ZGRF1: variants seen among roughly 807,000 people sequenced by gnomAD.
The protein encoded by ZGRF1 is zinc finger GRF-type containing 1.
A neutral mutation model predicts 203.5 loss-of-function variants in ZGRF1; 196 were observed. The ratio of observed to expected loss-of-function variants is 0.96; its 90% confidence interval spans 0.86 to 1.08. ZGRF1 has a LOEUF of 1.08. Ranked by LOEUF, ZGRF1 falls within the 50% of genes least tolerant of loss-of-function variation. The pLI is 0.00. For synonymous variants in ZGRF1, 809 were observed against 841.3 expected, an observed-to-expected ratio of 0.96 and a Z score of 0.66; for missense variants, 2,326 against 2,416.3, an observed-to-expected ratio of 0.96 and a Z score of 0.78.
At chr4:112,589,940 A>G (rs1437372142) in intron 10 of ZGRF1, 66 bp from the exon 11 acceptor site, 39 of 1,130,500 alleles carry the variant, frequency 3.4e-5, no homozygotes, top group Non-Finnish European at 4.8e-5. Flanking sequence ...AGTTTGAATG[A>G]ATTCTAGTAA....
chr4:112,539,838 T>C, intron 27 of ZGRF1, 25 bp downstream of exon 27: 2 of 1,610,274 alleles, frequency 1.2e-6, no homozygotes, highest in Non-Finnish European at 1.7e-6. Context: ...TTGAAATGCA[T>C]GAATTAAACC....
intron 8 of ZGRF1, chr4:112,607,810 G>C (rs1750994643): frequency 1.3e-5 from 2 of 152,288 alleles, no homozygotes. Context: ...CCATCGTACT[G>C]TGCACCTGTG....
In ZGRF1 at chr4:112,618,949, CT is replaced by C. The variant is rs750860823; in HGVS notation, c.1092del (p.Asp365ThrfsTer23). On this transcript the variant is annotated frameshift_variant, in exon 6 of 28. Transcript: ENST00000505019. LOFTEE classifies it high-confidence loss of function. ...TGTATAATTTTTTGTAATGAAAGGT[CT>C]TTCAAATTAGAATTTACATCATCTT... ...AQEDDVNSNLKDLSLQKIIQF... is the reference protein window; with the variant it reads ...AQEDDVNSNLXDLSLQKIIQF... 2.7e-5 allele frequency: 44 copies of C among 1,613,640 alleles called. No homozygotes were observed. In the African/African-American group the frequency reaches 5.9e-4, roughly 22 times the overall value.
At chr4:112,588,034 GA>G (rs1033755846) in intron 11 of ZGRF1, 105 bp from the exon 12 acceptor site, 518 of 542,660 alleles carry the variant, frequency 9.5e-4, no homozygotes, top group South Asian at 2.5e-3. Flanking sequence ...AACTTGCTCT[GA>G]AAAAAAAAAT....
chr4:112,548,318 A>C lies in ZGRF1; in HGVS notation c.5409T>G (p.Phe1803Leu). The C allele has an allele frequency of 6.4e-7, 1 of 1,553,740 alleles. No individual in the cohort carries two copies. The highest frequency in any genetic ancestry group is 1.4e-5 in the African/African-American group (1 of 73,214). The stretch of plus-strand genomic sequence containing the variant: ...TACACTCATCCAGCACAACTACAGG[A>C]AATTTAAGATCATTCATGCATGGGA... ...CPFPCMNDLKFPVVVLDECSQ... is the reference protein window; with the variant it reads ...CPFPCMNDLKLPVVVLDECSQ... Residue 1803 changes from phenylalanine (F) to leucine (L), a missense_variant, in exon 23 of 28, where the codon TTT becomes TTG. Physicochemically the swap from Phe to Leu is conservative, Grantham distance 22. Transcript: ENST00000505019.
At chr4:112,592,378 G>A (rs1748330798) in intron 10 of ZGRF1, among the ~76,000 whole-genome samples, 1 of 152,098 alleles carries the variant, frequency 6.6e-6, no homozygotes, top group Admixed American at 6.5e-5. Flanking sequence ...GATTACAGGT[G>A]TCAGCCACCA....
chr4:112,595,582 G>A (rs549499901), intron 10 of ZGRF1, among the ~76,000 whole-genome samples: 6 of 150,980 alleles, frequency 4.0e-5, no homozygotes, highest in Non-Finnish European at 7.4e-5. Flanking sequence ...GTGTATATAT[G>A]TGTGTGTGTG....
In ZGRF1 at chr4:112,540,950, T is replaced by C; in HGVS notation, c.5781A>G (p.Glu1927=). The change falls in exon 26 of 28, where the codon GAA becomes GAG. Residue 1927 remains glutamate, a synonymous_variant. Transcript: ENST00000505019. ...FYNVKGLEQI[E]RDNSFHNVAE... ...CCACATTATGAAAGCTGTTATCTCT[T>C]TCTATCTGGAGTAAGAAATAGATCC... 1 of 1,567,972 alleles carries C rather than the reference T, an allele frequency of 6.4e-7. No individual in the cohort carries two copies. Among genetic ancestry groups the C allele is most frequent in the Non-Finnish European group, 8.7e-7 (1 of 1,154,610 alleles).
chr4:112,601,287 T>C (rs1299586512), intron 10 of ZGRF1, among the ~76,000 whole-genome samples: 1 of 151,854 alleles, frequency 6.6e-6, no homozygotes, highest in Admixed American at 6.6e-5. Flanking sequence ...TAGTGGCTCA[T>C]GCCTGTAATC....
rs146464074 is a variant in ZGRF1 at position 112,616,664 on chromosome 4, G to A, written c.2602+776C>T. ...AGCCTGGCCAACATAGTGAAACCCT[G>A]TCTCTACTAAAAATACAAAACAATT... On this transcript the variant is annotated intron_variant, in intron 6 of 27. Transcript: ENST00000505019. Among the ~76,000 whole-genome samples, 20 of 151,180 alleles carry A rather than the reference G, an allele frequency of 1.3e-4. No homozygotes were observed. The East Asian group carries it at 3.7e-3, about 28-fold the overall frequency.
intron 8 of ZGRF1, among the ~76,000 whole-genome samples, chr4:112,606,713 T>C (rs1750827683): frequency 1.3e-5 from 2 of 151,306 alleles, no homozygotes; most frequent in South Asian, 4.2e-4. Flanking sequence ...AAATCACCTG[T>C]CAAACCTAAT....
rs1750701663 is a variant in ZGRF1, at chr4:112,605,913, G to A, written c.2802+95C>T. 6.1e-6 allele frequency: 5 copies of A among 818,498 alleles called. No individual in the cohort carries two copies. The Middle Eastern group carries it at 9.6e-4, about 157-fold the overall frequency. 50.7% of individuals were successfully genotyped at this position (818,498 alleles called of 1,614,324 possible). Reference sequence around the variant, plus strand: ...TTATTATGCTACTAACCTTCTGCCTGTGAAAACTCTGATACTTGTTTTTTT... The same window carrying A: ...TTATTATGCTACTAACCTTCTGCCTATGAAAACTCTGATACTTGTTTTTTT... On this transcript the variant is annotated intron_variant, in intron 9 of 27. Transcript: ENST00000505019.
chr4:112,586,613 C>T, intron 12 of ZGRF1, 30 bp from the exon 13 acceptor site: 1 of 1,544,922 alleles, frequency 6.5e-7, no homozygotes, highest in South Asian at 1.3e-5. Context: ...GTTATCATAG[C>T]AACTCCAGAA....
chr4:112,556,868 T>A (rs536545115), intron 20 of ZGRF1, among the ~76,000 whole-genome samples: 1 of 152,268 alleles, frequency 6.6e-6, no homozygotes, highest in Non-Finnish European at 1.5e-5. Flanking sequence ...TTAAAAAGCT[T>A]ACGCTTAGAA....
At chr4:112,574,242 T>C (rs1744737528) in intron 16 of ZGRF1, among the ~76,000 whole-genome samples, 1 of 152,122 alleles carries the variant, frequency 6.6e-6, no homozygotes, top group African/African-American at 2.4e-5. Flanking sequence ...AACAATAAAC[T>C]ATAGCATGTT....
chr4:112,566,415 C>T (rs1190410750), intron 16 of ZGRF1, among the ~76,000 whole-genome samples: 195 of 134,394 alleles, frequency 1.5e-3, no homozygotes, highest in East Asian at 1.8e-3. Flanking sequence ...GGGTGCAGCA[C>T]ACCAGCATGG....
At chr4:112,543,262 C>A (rs1459324084) in intron 24 of ZGRF1, among the ~76,000 whole-genome samples, 1 of 152,080 alleles carries the variant, frequency 6.6e-6, no homozygotes, top group Non-Finnish European at 1.5e-5. Context: ...CAGAAATAAC[C>A]CCAGTCCTGA....
chr4:112,618,048 G>T lies in ZGRF1; in HGVS notation c.1994C>A (p.Pro665His). ...YGDNKEDANK[P>H]IQEVRINYDF... The stretch of plus-strand genomic sequence containing the variant: ...ATAGTTAATTCTGACTTCTTGAATA[G>T]GTTTATTAGCATCTTCTTTATTATC... Residue 665 changes from proline (P) to histidine (H), a missense_variant, in exon 6 of 28, where the codon CCT becomes CAT. Coordinates refer to ENST00000505019, the MANE Select transcript of ZGRF1 (RefSeq NM_018392.5). 1 of 1,613,414 alleles carries T rather than the reference G, an allele frequency of 6.2e-7. No homozygotes were observed.
chr4:112,617,333 T>A (rs2046913557), intron 6 of ZGRF1, 107 bp downstream of exon 6: 1 of 789,544 alleles, frequency 1.3e-6, no homozygotes, highest in Non-Finnish European at 1.9e-6. Flanking sequence ...ATTACCTATT[T>A]AAACACTATG....
Sources: allele counts gnomAD v4.1 joint callset (sites outside exome capture counted in the v4.1 genomes callset), GRCh38; gene constraint gnomAD v4.1.1; transcripts MANE v1.5; gene names NCBI Gene and HGNC (gene_info 2026-07-23, HGNC 2026-07-21).